Variants in SPAG16 observed in about 807,000 individuals in gnomAD.
SPAG16 encodes the protein sperm-associated antigen 16 protein.
A neutral mutation model predicts 80.4 loss-of-function variants in SPAG16; 86 were observed. That is an observed-to-expected ratio of 1.07 (90% CI 0.90 to 1.28). The LOEUF is 1.28. Among genes scored for constraint, SPAG16 ranks in the 50% most tolerant of loss-of-function variants. The probability of loss-of-function intolerance (pLI) is 0.00; values close to 1 mark genes in which losing one functional copy is unlikely to be tolerated. For synonymous variants in SPAG16, 294 were observed against 265.9 expected (o/e 1.11, Z -1.03); for missense variants, 870 against 765.3 (o/e 1.14, Z -1.61).
chr2:213,701,774 G>T (rs1346732904), intron 10 of SPAG16, among the ~76,000 whole-genome samples: 3 of 152,166 alleles, frequency 2.0e-5, no homozygotes, highest in African/African-American at 4.8e-5. Flanking sequence ...CTAGCTCAGG[G>T]ATTGTAAACG....
At chr2:213,312,637 A>G (rs1296895996) in intron 4 of SPAG16, among the ~76,000 whole-genome samples, 1 of 151,610 alleles carries the variant, frequency 6.6e-6, no homozygotes, top group Non-Finnish European at 1.5e-5. Context: ...AGTTTGGCCT[A>G]TTCGCACCAT....
At chr2:214,041,146 G>C (rs2048984162) in intron 13 of SPAG16, among the ~76,000 whole-genome samples, 1 of 150,710 alleles carries the variant, frequency 6.6e-6, no homozygotes, top group African/African-American at 2.4e-5. Context: ...TTTCTGATAT[G>C]ATTTTGTCTT....
At chr2:213,675,912 A>G (rs369013867) in intron 10 of SPAG16, among the ~76,000 whole-genome samples, 30 of 150,838 alleles carry the variant, frequency 2.0e-4, no homozygotes, top group East Asian at 9.7e-4. Flanking sequence ...GTTTTTTCCA[A>G]TTCTGTGAAG....
chr2:213,617,007 G>A (rs1261382493), intron 10 of SPAG16, among the ~76,000 whole-genome samples: 1 of 152,144 alleles, frequency 6.6e-6, no homozygotes, highest in Non-Finnish European at 1.5e-5. Flanking sequence ...GTCTTTGTTT[G>A]CATGCACAGG....
intron 15 of SPAG16, among the ~76,000 whole-genome samples, chr2:214,216,027 T>C (rs1159992566): frequency 1.3e-5 from 2 of 152,148 alleles, no homozygotes; most frequent in East Asian, 3.9e-4. Flanking sequence ...TTGCAAACAA[T>C]TGCATGTAAA....
At chr2:214,251,522 T>C (rs1690292388) in intron 15 of SPAG16, among the ~76,000 whole-genome samples, 1 of 152,124 alleles carries the variant, frequency 6.6e-6, no homozygotes, top group African/African-American at 2.4e-5. Flanking sequence ...ACAAGTCTTA[T>C]GTGGTTATAT....
intron 10 of SPAG16, among the ~76,000 whole-genome samples, chr2:213,597,487 A>ATG (rs2060922262): frequency 6.6e-6 from 1 of 152,220 alleles, no homozygotes; most frequent in Non-Finnish European, 1.5e-5. Context: ...AATGAATCAT[A>ATG]TGTGCTTAAA....
chr2:213,380,541 C>T (rs2067118070), intron 9 of SPAG16, among the ~76,000 whole-genome samples: 1 of 152,188 alleles, frequency 6.6e-6, no homozygotes, highest in Admixed American at 6.5e-5. Context: ...TGAAGGACTG[C>T]TGCTATGCAT....
rs201564476 is a variant in SPAG16 at position 214,013,946 on chromosome 2, T to A, written c.1401-5T>A. The A allele has an allele frequency of 1.2e-6, 2 of 1,612,684 alleles. No homozygotes were observed. Among genetic ancestry groups the A allele is most frequent in the African/African-American group, 2.7e-5 (2 of 75,012 alleles). ...TCCTAAAATTCTTAATTTCTCTCTT[T>A]ATAGTGAAAGATGCAGATGTACTTT... On this transcript the variant is annotated splice_region_variant and splice_polypyrimidine_tract_variant and intron_variant, in intron 12 of 15. Transcript: ENST00000331683.
At chr2:214,163,856 T>C (rs2056549566) in intron 15 of SPAG16, among the ~76,000 whole-genome samples, 1 of 151,888 alleles carries the variant, frequency 6.6e-6, no homozygotes, top group African/African-American at 2.4e-5. Context: ...TTCAACTGAT[T>C]GGATGAAATC....
chr2:213,976,554 G>C (rs1431620095), intron 12 of SPAG16, among the ~76,000 whole-genome samples: 1 of 152,038 alleles, frequency 6.6e-6, no homozygotes, highest in African/African-American at 2.4e-5. Flanking sequence ...GATTATATAA[G>C]AGTATTGGTG....
intron 10 of SPAG16, among the ~76,000 whole-genome samples, chr2:213,707,120 T>C (rs2065788643): frequency 6.6e-6 from 1 of 152,226 alleles, no homozygotes; most frequent in African/African-American, 2.4e-5. Context: ...TACAAGGATG[T>C]GAAAAACGGG....
At chr2:213,301,553 A>T (rs1022339457) in intron 3 of SPAG16, among the ~76,000 whole-genome samples, 1 of 152,128 alleles carries the variant, frequency 6.6e-6, no homozygotes, top group Non-Finnish European at 1.5e-5. Flanking sequence ...TATGTCCTCA[A>T]CATCTTTCAT....
rs1398159199 is a variant in SPAG16, at chr2:213,879,596, G to GTACA, written c.1214+16969_1214+16972dup. ...TCATTGTAACTAGGTTGTGAGTGTA[G>GTACA]TACAGAACAGGTTGTTTTTCAAACC... On this transcript the variant is annotated intron_variant, in intron 11 of 15. Transcript: ENST00000331683. 4.6e-5 allele frequency among the ~76,000 whole-genome samples: 7 copies of GTACA among 152,106 alleles called. No individual in the cohort carries two copies. The South Asian group carries it at 8.3e-4, about 18-fold the overall frequency.
chr2:213,536,909 A>C (rs1004052923), intron 10 of SPAG16, among the ~76,000 whole-genome samples: 1 of 152,082 alleles, frequency 6.6e-6, no homozygotes, highest in Admixed American at 6.6e-5. Context: ...ACTTGGAACC[A>C]ACCCAAATGT....
intron 9 of SPAG16, among the ~76,000 whole-genome samples, chr2:213,410,475 C>A (rs915412054): frequency 1.3e-5 from 2 of 152,110 alleles, no homozygotes; most frequent in Admixed American, 1.3e-4. Flanking sequence ...AGGAGTCTTG[C>A]CCCCGATGTA....
intron 15 of SPAG16, among the ~76,000 whole-genome samples, chr2:214,343,419 C>T (rs1697841142): frequency 6.6e-6 from 1 of 151,844 alleles, no homozygotes; most frequent in African/African-American, 2.4e-5. Context: ...GAGGGTAAAG[C>T]ATATTATTTT....
At position 214,297,836 on chromosome 2, in the gene SPAG16, T is replaced by G. The variant is rs545775796; in HGVS notation, c.1721-112304T>G. Among the ~76,000 whole-genome samples, 15 of 151,028 alleles carry G rather than the reference T, an allele frequency of 9.9e-5. No individual in the cohort carries two copies. The East Asian group carries it at 2.7e-3, about 27-fold the overall frequency. The stretch of plus-strand genomic sequence containing the variant: ...GGCTATTTGGCTCTTTTTTTTTTTT[T>G]GGTTTTGTATGAATTTTAAGATTGT... On this transcript the variant is annotated intron_variant, in intron 15 of 15. Coordinates refer to ENST00000331683, the MANE Select transcript of SPAG16 (RefSeq NM_024532.5).
chr2:213,645,454 T>C (rs1298827966), intron 10 of SPAG16, among the ~76,000 whole-genome samples: 2 of 152,024 alleles, frequency 1.3e-5, no homozygotes, highest in Non-Finnish European at 2.9e-5. Flanking sequence ...TAAGGAATCT[T>C]AGTTAGCAGG....
Sources: gnomAD v4.1 joint callset for allele counts (sites outside exome capture counted in the v4.1 genomes callset) on GRCh38, gnomAD v4.1.1 for gene constraint, MANE v1.5 for transcripts, NCBI Gene and HGNC (gene_info 2026-07-23, HGNC 2026-07-21) for gene names.